TADA2A: variants seen among roughly 807,000 people sequenced by gnomAD.
The protein encoded by TADA2A is transcriptional adaptor 2A, also known as transcriptional adapter 2-alpha.
A neutral mutation model predicts 67.4 loss-of-function variants in TADA2A; 38 were observed. That is an observed-to-expected ratio of 0.56 (90% CI 0.44 to 0.74). The LOEUF (loss-of-function observed/expected upper bound fraction) is 0.74, where lower values mean the gene tolerates loss of function less well. TADA2A is among the 30% of genes least tolerant of loss of function. The pLI, the probability that TADA2A is intolerant of heterozygous loss-of-function variation, is 0.00. For missense variants in TADA2A, 454 were observed against 547.0 expected (o/e 0.83, Z 1.70); for synonymous variants, 192 against 181.6 (o/e 1.06, Z -0.46).
intron 2 of TADA2A, among the ~76,000 whole-genome samples, chr17:37,418,488 T>C (rs1351347283): frequency 6.6e-6 from 1 of 152,154 alleles, no homozygotes; most frequent in Admixed American, 6.6e-5. Flanking sequence ...TGGAATGTTA[T>C]TTATCCATTA....
chr17:37,423,990 C>T (rs1363767661), intron 3 of TADA2A, among the ~76,000 whole-genome samples: 2 of 152,000 alleles, frequency 1.3e-5, no homozygotes, highest in Non-Finnish European at 2.9e-5. Context: ...CCTCATGATC[C>T]ATCTGCCTCA....
chr17:37,449,953 A>G (rs916385322), intron 8 of TADA2A, among the ~76,000 whole-genome samples: 1 of 152,178 alleles, frequency 6.6e-6, no homozygotes, highest in African/African-American at 2.4e-5. Context: ...AGGGAAGCAG[A>G]CAAAGAAGTT....
intron 5 of TADA2A, among the ~76,000 whole-genome samples, chr17:37,439,427 C>T (rs1277223462): frequency 6.6e-6 from 1 of 151,990 alleles, no homozygotes; most frequent in Admixed American, 6.6e-5. Context: ...GGACTACCGG[C>T]GTGTGCAACC....
chr17:37,426,663 CAGAAAAAA>C (rs1306676657), intron 3 of TADA2A: 12 of 98,634 alleles, frequency 1.2e-4, no homozygotes, highest in East Asian at 3.9e-4. Flanking sequence ...GACTCCGTCT[CAGAAAAAA>C]AAAAAAAAAA....
In TADA2A at chr17:37,423,612, G is replaced by A; in HGVS notation, c.129G>A (p.Leu43=). Residue 43 remains leucine, a synonymous_variant, in exon 3 of 16, where the codon TTG becomes TTA. Transcript: ENST00000615182. ...ECGPPPFFLC[L]QCFTRGFEYK... ...GGCCACCTCCTTTTTTCCTCTGCTT[G>A]CAGGTAACTCACTAATGCTGGCTTC... The A allele has an allele frequency of 1.2e-6, 2 of 1,609,834 alleles. No individual in the cohort carries two copies. The highest frequency in any genetic ancestry group is 8.5e-7 in the Non-Finnish European group (1 of 1,178,378).
At chr17:37,459,417 G>A (rs1382187018) in intron 9 of TADA2A, among the ~76,000 whole-genome samples, 1 of 151,322 alleles carries the variant, frequency 6.6e-6, no homozygotes, top group African/African-American at 2.4e-5. Context: ...CAAGTGGCTG[G>A]GACTATAGGT....
chr17:37,423,465 C>T (rs8067120), intron 2 of TADA2A, 44 bp from the exon 3 acceptor site: 343,841 of 1,456,384 alleles, frequency 0.24, 41,487 homozygotes, highest in Admixed American at 0.34. Context: ...TTAAGATAAC[C>T]GTAAGGTGGT....
chr17:37,439,942 A>ATTTTTTT (rs754953268), intron 5 of TADA2A, among the ~76,000 whole-genome samples: 1 of 58,428 alleles, frequency 1.7e-5, no homozygotes, highest in African/African-American at 4.5e-5. Context: ...TTATTTATTT[A>ATTTTTTT]TTATTTTTTT....
At chr17:37,443,469 G>T (rs2052983679) in intron 7 of TADA2A, among the ~76,000 whole-genome samples, 1 of 152,004 alleles carries the variant, frequency 6.6e-6, no homozygotes, top group African/African-American at 2.4e-5. Context: ...GGCCAGGCTG[G>T]TCTCAAACTC....
chr17:37,478,128 AAAC>A lies in TADA2A; in HGVS notation c.*1149_*1151del, dbSNP rs1239812624. The A allele has an allele frequency of 6.6e-6, 1 of 151,618 alleles. No homozygotes were observed. Among genetic ancestry groups the A allele is most frequent in the Non-Finnish European group, 1.5e-5 (1 of 67,930 alleles). 9.4% of individuals were successfully genotyped at this position (151,618 alleles called of 1,614,324 possible). On this transcript the variant is annotated 3_prime_UTR_variant, in exon 16 of 16. Transcript: ENST00000615182. ...GTGAGACTCTGTCTCAAAAAAAAAAAAACAAAAAAAAACCTTTAATGTCTGGCT... is the reference window on the plus strand; with the variant it reads ...GTGAGACTCTGTCTCAAAAAAAAAAAAAAAAAAAACCTTTAATGTCTGGCT...
chr17:37,464,668 C>T (rs1002317776), intron 10 of TADA2A, among the ~76,000 whole-genome samples: 14 of 151,006 alleles, frequency 9.3e-5, no homozygotes, highest in Admixed American at 8.0e-4. Flanking sequence ...GGTGAAACCT[C>T]GTCTCTACTA....
At chr17:37,447,811 G>GC (rs1283446203) in intron 8 of TADA2A, among the ~76,000 whole-genome samples, 1 of 152,124 alleles carries the variant, frequency 6.6e-6, no homozygotes, top group East Asian at 1.9e-4. Context: ...TGCACTAGGA[G>GC]CCCATGGAAA....
Position 37,421,476 on chromosome 17 carries a change from A to G in TADA2A, c.26-2033A>G, listed in dbSNP as rs139431022. On this transcript the variant is annotated intron_variant, in intron 2 of 15. Coordinates refer to ENST00000615182, the MANE Select transcript of TADA2A (RefSeq NM_001166105.3). ...ATTCCAAAATATGTATTTAGAAGAGACATGTATTTAGAGGCTAGCTGAGTG... is the reference window on the plus strand; with the variant it reads ...ATTCCAAAATATGTATTTAGAAGAGGCATGTATTTAGAGGCTAGCTGAGTG... Among the ~76,000 whole-genome samples the G allele has an allele frequency of 1.4e-5, 2 of 147,266 alleles. 1 individual carries two copies. Among genetic ancestry groups the G allele is most frequent in the Non-Finnish European group, 3.0e-5 (2 of 65,842 alleles).
chr17:37,450,719 G>A (rs2053209035), intron 8 of TADA2A: 1 of 152,254 alleles, frequency 6.6e-6, no homozygotes, highest in Non-Finnish European at 1.5e-5. Context: ...GCAGCTTCCA[G>A]CTGCTTTAAG....
At chr17:37,462,230 C>A in intron 10 of TADA2A, 109 bp downstream of exon 10, 1 of 720,604 alleles carries the variant, frequency 1.4e-6, no homozygotes, top group Non-Finnish European at 2.3e-6. Flanking sequence ...ATTAGCCTGG[C>A]TATCACTCCA....
chr17:37,408,997 C>T (rs184621300), intron 1 of TADA2A, among the ~76,000 whole-genome samples: 1 of 152,322 alleles, frequency 6.6e-6, no homozygotes, highest in East Asian at 1.9e-4. Context: ...ATTTATTAGT[C>T]CACTACTATG....
At position 37,440,587 on chromosome 17, in the gene TADA2A, CTGTT is replaced by C. The variant is rs1201835004; in HGVS notation, c.370_373del (p.Phe124HisfsTer5). The stretch of plus-strand genomic sequence containing the variant: ...TATGAAGCATTTCATCAATAACCCT[CTGTT>C]TGCATCTACCCTGCTGAACCTGAAA... On this transcript the variant is annotated frameshift_variant, in exon 6 of 16. Coordinates refer to ENST00000615182, the MANE Select transcript of TADA2A (RefSeq NM_001166105.3). LOFTEE classifies it high-confidence loss of function. 1.2e-6 allele frequency: 2 copies of C among 1,614,054 alleles called. No homozygotes were observed.
chr17:37,424,358 C>CTT (rs1222178749), intron 3 of TADA2A, among the ~76,000 whole-genome samples: 4 of 142,562 alleles, frequency 2.8e-5, no homozygotes, highest in East Asian at 2.1e-4. Flanking sequence ...GCAGGAGAAT[C>CTT]TTTTTTTTTT....
In TADA2A at chr17:37,423,614, A is replaced by G; in HGVS notation, c.131A>G (p.Gln44Arg). Residue 44 changes from glutamine to arginine, a missense_variant and splice_region_variant, in exon 3 of 16, where the codon CAG (glutamine) becomes CGG (arginine). This residue lies in a region of TADA2A where 403 missense variants were observed against 455.5 expected (regional missense o/e 0.88). Transcript: ENST00000615182. Reference sequence around the variant, plus strand: ...CCACCTCCTTTTTTCCTCTGCTTGCAGGTAACTCACTAATGCTGGCTTCTC... The same window carrying G: ...CCACCTCCTTTTTTCCTCTGCTTGCGGGTAACTCACTAATGCTGGCTTCTC... The part of the protein sequence containing the change: ...CGPPPFFLCL[Q>R]CFTRGFEYKK... 6.2e-7 allele frequency: 1 copy of G among 1,609,342 alleles called. No homozygotes were observed. Among genetic ancestry groups the G allele is most frequent in the Non-Finnish European group, 8.5e-7 (1 of 1,178,112 alleles).
Sources: allele counts gnomAD v4.1 joint callset (sites outside exome capture counted in the v4.1 genomes callset), GRCh38; gene constraint gnomAD v4.1.1; regional missense constraint gnomAD v4.1.1; transcripts MANE v1.5; gene names NCBI Gene and HGNC (gene_info 2026-07-23, HGNC 2026-07-21).